INPP5A: variants seen among roughly 807,000 people sequenced by gnomAD.
INPP5A encodes 43 kDa inositol polyphosphate 5-phophatase.
A neutral mutation model predicts 65.2 loss-of-function variants in INPP5A; 14 were observed. That is an observed-to-expected ratio of 0.21 (90% CI 0.14 to 0.34). The LOEUF (loss-of-function observed/expected upper bound fraction) is 0.34, where lower values mean the gene tolerates loss of function less well. Ranked by LOEUF, INPP5A falls within the 10% of genes least tolerant of loss-of-function variation. INPP5A has a pLI of 1.00. For synonymous variants in INPP5A, 207 were observed against 208.3 expected, an observed-to-expected ratio of 0.99 and a Z score of 0.05; for missense variants, 431 against 545.6, an observed-to-expected ratio of 0.79 and a Z score of 2.09.
chr10:132,629,297 G>C (rs907723739), intron 2 of INPP5A, among the ~76,000 whole-genome samples: 1 of 152,166 alleles, frequency 6.6e-6, no homozygotes, highest in African/African-American at 2.4e-5. Context: ...CCACGTGAGG[G>C]AACCCCAGCT....
chr10:132,682,649 C>T (rs1393518414), intron 4 of INPP5A, among the ~76,000 whole-genome samples: 1 of 152,238 alleles, frequency 6.6e-6, no homozygotes, highest in African/African-American at 2.4e-5. Context: ...CTGTGGTGAC[C>T]CAGCAAGGCC....
intron 2 of INPP5A, among the ~76,000 whole-genome samples, chr10:132,628,227 C>A (rs2072213973): frequency 1.3e-5 from 2 of 152,222 alleles, no homozygotes; most frequent in Non-Finnish European, 2.9e-5. Flanking sequence ...TGGCTGAGAG[C>A]CCATCGTGGA....
intron 4 of INPP5A, among the ~76,000 whole-genome samples, chr10:132,686,781 T>C (rs965888518): frequency 8.5e-5 from 13 of 152,340 alleles, no homozygotes; most frequent in African/African-American, 2.9e-4. Flanking sequence ...GAGTGCTTTC[T>C]TTATCTGAAA....
At chr10:132,708,618 C>T in intron 7 of INPP5A, 1 of 587,826 alleles carries the variant, frequency 1.7e-6, no homozygotes, top group Non-Finnish European at 3.2e-6. Context: ...GCCCCAGTCC[C>T]TCCCCGCAGC....
chr10:132,577,920 TGTGCCATTTGGGG>T (rs1225546728), intron 1 of INPP5A, among the ~76,000 whole-genome samples: 4 of 152,230 alleles, frequency 2.6e-5, no homozygotes, highest in African/African-American at 7.2e-5. Context: ...GGGGTTCAGC[TGTGCCATTTGGGG>T]GTGCTCCATG....
rs1009080937 is a variant in INPP5A, at chr10:132,657,471, C to A, written c.306+6966C>A. ...TGCCCTTTGCAAGTGCTGTGCACGG[C>A]AGCTCACAGCCCCCACCCCCAGCTC... On this transcript the variant is annotated intron_variant, in intron 4 of 15. Transcript: ENST00000368594. Among the ~76,000 whole-genome samples, 5 of 152,344 alleles carry A rather than the reference C, an allele frequency of 3.3e-5. No homozygotes were observed. In the East Asian group the frequency reaches 9.7e-4, roughly 29 times the overall value.
intron 2 of INPP5A, among the ~76,000 whole-genome samples, chr10:132,618,419 CA>C (rs1304881287): frequency 6.6e-6 from 1 of 152,222 alleles, no homozygotes; most frequent in Non-Finnish European, 1.5e-5. Flanking sequence ...AGAGTTGCAA[CA>C]TAGCTCAGAG....
intron 8 of INPP5A, among the ~76,000 whole-genome samples, chr10:132,720,575 C>G (rs1197161249): frequency 8.9e-4 from 82 of 91,632 alleles, no homozygotes; most frequent in East Asian, 3.7e-3. Flanking sequence ...TGTGGTACCT[C>G]GGTTCTGTCT....
intron 8 of INPP5A, among the ~76,000 whole-genome samples, chr10:132,716,833 C>T (rs1477453958): frequency 6.6e-6 from 1 of 152,226 alleles, no homozygotes; most frequent in South Asian, 2.1e-4. Flanking sequence ...AGCATGAGAG[C>T]GGCGGCTGCC....
intron 5 of INPP5A, among the ~76,000 whole-genome samples, chr10:132,693,611 C>T (rs2134491841): frequency 6.6e-6 from 1 of 151,984 alleles, no homozygotes; most frequent in South Asian, 2.1e-4. Flanking sequence ...AAGCTTGTAC[C>T]TTAGGAAACT....
At position 132,746,816 on chromosome 10, in the gene INPP5A, C is replaced by T. The variant is rs561819473; in HGVS notation, c.733-2701C>T. The stretch of plus-strand genomic sequence containing the variant: ...GAATCCCTTCCCAAAGTAGGCGAGC[C>T]GGAAAGGCCCAGCCTGGCCACTTTC... On this transcript the variant is annotated intron_variant, in intron 9 of 15. Coordinates refer to ENST00000368594, the MANE Select transcript of INPP5A (RefSeq NM_005539.5). Among the ~76,000 whole-genome samples, 16 of 152,350 alleles carry T rather than the reference C, an allele frequency of 1.1e-4. 2 individuals carry two copies. In the South Asian group the frequency reaches 3.3e-3, roughly 32 times the overall value.
At chr10:132,664,587 G>A (rs2072778492) in intron 4 of INPP5A, among the ~76,000 whole-genome samples, 1 of 152,222 alleles carries the variant, frequency 6.6e-6, no homozygotes, top group Non-Finnish European at 1.5e-5. Context: ...GTTGGGGTGT[G>A]GCACACCGCT....
chr10:132,621,576 A>G (rs2072110559), intron 2 of INPP5A, among the ~76,000 whole-genome samples: 2 of 152,156 alleles, frequency 1.3e-5, no homozygotes, highest in African/African-American at 2.4e-5. Context: ...TGAGTCTCTG[A>G]TTAGCCTTTT....
At chr10:132,653,001 CG>C (rs1564950286) in intron 4 of INPP5A, among the ~76,000 whole-genome samples, 2 of 152,132 alleles carry the variant, frequency 1.3e-5, no homozygotes, top group African/African-American at 2.4e-5. Flanking sequence ...TGCAGGTGGG[CG>C]GAGGGGCAGT....
rs377603022 is a variant in INPP5A, at chr10:132,544,011, G to A, written c.75+5840G>A. ...CATAGTCTTGGCATTGCTGGGTGACGTGGTGAGTTCGTATTTAACCCTTGA... is the reference window on the plus strand; with the variant it reads ...CATAGTCTTGGCATTGCTGGGTGACATGGTGAGTTCGTATTTAACCCTTGA... On this transcript the variant is annotated intron_variant, in intron 1 of 15. Coordinates refer to ENST00000368594, the MANE Select transcript of INPP5A (RefSeq NM_005539.5). 3.4e-4 allele frequency among the ~76,000 whole-genome samples: 52 copies of A among 152,352 alleles called. No individual in the cohort carries two copies. In the South Asian group the frequency reaches 0.01, roughly 30 times the overall value.
intron 11 of INPP5A, among the ~76,000 whole-genome samples, chr10:132,758,727 G>A (rs1452723699): frequency 3.9e-5 from 6 of 152,220 alleles, no homozygotes; most frequent in Non-Finnish European, 8.8e-5. Context: ...AGGTGCTGAG[G>A]AAGGACCCCC....
chr10:132,710,298 C>T (rs570788029), intron 7 of INPP5A, 39 bp from the exon 8 acceptor site: 59 of 1,605,630 alleles, frequency 3.7e-5, no homozygotes, highest in Non-Finnish European at 4.7e-5. Flanking sequence ...CCGGAGGCTC[C>T]GGCCCTTGGT....
intron 1 of INPP5A, among the ~76,000 whole-genome samples, chr10:132,569,896 C>T (rs2133282416): frequency 1.3e-5 from 2 of 150,144 alleles, no homozygotes; most frequent in South Asian, 4.2e-4. Flanking sequence ...AGGTGATCCA[C>T]TCACCTCGGC....
intron 1 of INPP5A, among the ~76,000 whole-genome samples, chr10:132,565,539 C>G (rs2071261312): frequency 6.6e-6 from 1 of 152,066 alleles, no homozygotes; most frequent in Admixed American, 6.6e-5. Context: ...AAAAGCCTTC[C>G]TGTGTGTGTG....
Sources: gnomAD v4.1 joint callset for allele counts (sites outside exome capture counted in the v4.1 genomes callset) on GRCh38, gnomAD v4.1.1 for gene constraint, MANE v1.5 for transcripts, NCBI Gene and HGNC (gene_info 2026-07-23, HGNC 2026-07-21) for gene names.